Variants in MAN2B1 observed in about 807,000 individuals in gnomAD.
The protein encoded by MAN2B1 is mannosidase alpha class 2B member 1.
In MAN2B1, 99 loss-of-function variants were observed where a neutral mutation model predicts 127.5. The ratio of observed to expected loss-of-function variants is 0.78; its 90% CI spans 0.66 to 0.92. The LOEUF is 0.92. MAN2B1 is among the 40% of genes least tolerant of loss of function. MAN2B1 has a pLI of 0.00. For missense variants in MAN2B1, 1,304 were observed against 1,384.8 expected (o/e 0.94, Z 0.93); for synonymous variants, 573 against 568.8 (o/e 1.01, Z -0.11).
chr19:12,648,253 C>T lies in MAN2B1; in HGVS notation c.2586G>A (p.Gln862=). 6.2e-7 allele frequency: 1 copy of T among 1,602,332 alleles called. No individual in the cohort carries two copies. Among genetic ancestry groups the T allele is most frequent in the East Asian group, 2.3e-5 (1 of 44,196 alleles). Residue 862 remains glutamine (Q), a synonymous_variant, in exon 21 of 24, where the codon CAG becomes CAA. Transcript: ENST00000456935. ...GCACCACCTGAGGGGCCAGGACCTC[C>T]TGCTCCGCCAGGAGCCGGTGTCCGG... ...AAAGHRLLAE[Q]EVLAPQVVLA...
Position 12,658,091 on chromosome 19 carries a change from G to GGGTCCCACGTTGGCCGCC in MAN2B1, c.1263_1280dup (p.Ala422_Pro427dup). 6.2e-7 allele frequency: 1 copy of GGGTCCCACGTTGGCCGCC among 1,613,374 alleles called. No homozygotes were observed. ...GGGGTGCACTGTCTCCGGAGCCATA[G>GGGTCCCACGTTGGCCGCC]GGTCCCACGTTGGCCGCCAGGCCCA... On this transcript the variant is annotated inframe_insertion, in exon 10 of 24. Coordinates refer to ENST00000456935, the MANE Select transcript of MAN2B1 (RefSeq NM_000528.4).
intron 7 of MAN2B1, 160 bp from the exon 8 acceptor site, chr19:12,658,670 G>A (rs1490399661): frequency 1.4e-6 from 1 of 713,320 alleles, no homozygotes; most frequent in Non-Finnish European, 2.5e-6. Flanking sequence ...ATGAATTTTG[G>A]CTGAAGTCAA....
chr19:12,650,406 G>A (rs560979048), intron 16 of MAN2B1, among the ~76,000 whole-genome samples, 184 bp from the exon 17 acceptor site: 3 of 149,096 alleles, frequency 2.0e-5, no homozygotes, highest in South Asian at 2.1e-4. Flanking sequence ...TTGCCCAGGC[G>A]GGAGTGCAGT....
chr19:12,651,945 T>C (rs1247979778), intron 16 of MAN2B1, among the ~76,000 whole-genome samples: 1 of 152,196 alleles, frequency 6.6e-6, no homozygotes, highest in Non-Finnish European at 1.5e-5. Flanking sequence ...ATGTGTCCTA[T>C]GGGGAGACTC....
chr19:12,650,261 T>C (rs1599342367), intron 16 of MAN2B1, 39 bp from the exon 17 acceptor site: 2 of 1,276,242 alleles, frequency 1.6e-6, no homozygotes, highest in African/African-American at 1.5e-5. Flanking sequence ...AGTCTGTACC[T>C]GAGCAGAGGT....
rs374660827 is a variant in MAN2B1, at chr19:12,649,308, G to T, written c.2355+33C>A. ...GATAAGGGGTGATTCCCTTTCTATCGAGGTGGGGAGGTGCAGGATGGGGGA... is the reference window on the plus strand; with the variant it reads ...GATAAGGGGTGATTCCCTTTCTATCTAGGTGGGGAGGTGCAGGATGGGGGA... On this transcript the variant is annotated intron_variant, in intron 19 of 23. Transcript: ENST00000456935. The T allele has an allele frequency of 1.9e-6, 3 of 1,601,818 alleles. No homozygotes were observed. In the Admixed American group the frequency reaches 5.0e-5, roughly 27 times the overall value.
chr19:12,657,174 AC>A, intron 11 of MAN2B1, 118 bp from the exon 12 acceptor site: 1 of 730,280 alleles, frequency 1.4e-6, no homozygotes, highest in Non-Finnish European at 2.4e-6. Context: ...TCGCCCCAAA[AC>A]CCCTTCTAGC....
At chr19:12,648,525 G>T in intron 20 of MAN2B1, 123 bp from the exon 21 acceptor site, 1 of 751,540 alleles carries the variant, frequency 1.3e-6, no homozygotes, top group African/African-American at 1.7e-5. Flanking sequence ...AACGGATGAG[G>T]ATGAAGGTGA....
chr19:12,659,924 G>T (rs1185948996), intron 7 of MAN2B1, among the ~76,000 whole-genome samples: 1 of 152,302 alleles, frequency 6.6e-6, no homozygotes, highest in African/African-American at 2.4e-5. Context: ...GCGAGTGGAA[G>T]GTGGGAATGG....
intron 12 of MAN2B1, 113 bp downstream of exon 12, chr19:12,656,836 C>T (rs2023973451): frequency 9.3e-7 from 1 of 1,080,714 alleles, no homozygotes; most frequent in Non-Finnish European, 1.4e-6. Context: ...TCTCTGCTGA[C>T]CCAGCTTCGC....
In MAN2B1 at chr19:12,648,280, G is replaced by A. The variant is rs1231981026; in HGVS notation, c.2559C>T (p.Ala853=). Residue 853 remains alanine (A), a synonymous_variant, in exon 21 of 24, where the codon GCC becomes GCT. Transcript: ENST00000456935. ...GCTCCGCCAGGAGCCGGTGTCCGGC[G>A]GCTGCAGCCTGGGCTGTGTCCAGCA... ...LVLLDTAQAA[A]AGHRLLAEQE... 1.2e-6 allele frequency: 2 copies of A among 1,610,420 alleles called. No homozygotes were observed. Among genetic ancestry groups the A allele is most frequent in the East Asian group, 2.2e-5 (1 of 44,770 alleles).
chr19:12,664,768 C>A, intron 4 of MAN2B1, 24 bp downstream of exon 4: 2 of 1,605,784 alleles, frequency 1.2e-6, no homozygotes, highest in Non-Finnish European at 1.7e-6. Flanking sequence ...AAGAAGTGGG[C>A]CCAAGAGAGG....
rs2023706745 is a variant in MAN2B1 at position 12,647,148 on chromosome 19, C to T, written c.2923+85G>A. On this transcript the variant is annotated intron_variant, in intron 23 of 23. Coordinates refer to ENST00000456935, the MANE Select transcript of MAN2B1 (RefSeq NM_000528.4). This position sits in a 1 kb window ranked among gnomAD's most constrained non-coding sequence, Gnocchi z 4.9. The stretch of plus-strand genomic sequence containing the variant: ...CCTCATGACCTTTTTGGGTCCTGGC[C>T]AACATCCCATGCCTCACACATTGCC... The T allele has an allele frequency of 4.6e-6, 6 of 1,305,620 alleles. No individual in the cohort carries two copies. Among genetic ancestry groups the T allele is most frequent in the Non-Finnish European group, 6.7e-6 (6 of 901,082 alleles). 80.9% of individuals were successfully genotyped at this position (1,305,620 alleles called of 1,614,324 possible). A position where few individuals can be genotyped will look rare whatever the true frequency, so the allele number is the denominator to read the frequency against.
chr19:12,665,028 G>C (rs1276032413), intron 3 of MAN2B1, 43 bp from the exon 4 acceptor site: 1 of 1,562,356 alleles, frequency 6.4e-7, no homozygotes, highest in Non-Finnish European at 8.8e-7. Flanking sequence ...GTCAGAGCCA[G>C]GAGTGGGAGT....
intron 12 of MAN2B1, 129 bp from the exon 13 acceptor site, chr19:12,656,816 T>C (rs903890200): frequency 3.2e-5 from 33 of 1,019,250 alleles, no homozygotes; most frequent in Non-Finnish European, 5.0e-5. Context: ...CCCCTCGAGA[T>C]GCGTTGTTCT....
chr19:12,662,719 G>A (rs1233364733), intron 6 of MAN2B1, among the ~76,000 whole-genome samples: 16 of 151,664 alleles, frequency 1.1e-4, no homozygotes, highest in African/African-American at 2.9e-4. Context: ...AGGTTGAGGC[G>A]GGCAGATCAC....
intron 18 of MAN2B1, 24 bp downstream of exon 18, chr19:12,649,889 T>A: frequency 1.1e-5 from 14 of 1,232,684 alleles, no homozygotes; most frequent in African/African-American, 4.2e-5. Flanking sequence ...GACCACCCCC[T>A]CAGTGCTCTC....
chr19:12,652,494 T>C (rs768636296), intron 14 of MAN2B1, 34 bp from the exon 15 acceptor site: 2 of 1,388,418 alleles, frequency 1.4e-6, no homozygotes, highest in South Asian at 2.3e-5. Flanking sequence ...TGGGTTTGTG[T>C]GTGTATGTGT....
intron 6 of MAN2B1, 124 bp from the exon 7 acceptor site, chr19:12,661,500 G>C: frequency 1.3e-6 from 1 of 750,366 alleles, no homozygotes; most frequent in Non-Finnish European, 2.5e-6. Flanking sequence ...TATGGCACTT[G>C]GGAGCGTGGG....
Sources: gnomAD v4.1 joint callset for allele counts (sites outside exome capture counted in the v4.1 genomes callset) on GRCh38, gnomAD v4.1.1 for gene constraint, Gnocchi (gnomAD v3.1) non-coding constraint, MANE v1.5 for transcripts, NCBI Gene and HGNC (gene_info 2026-07-23, HGNC 2026-07-21) for gene names.